The following DAZAP1 variants were observed in gnomAD, a reference collection of about 807,000 sequenced individuals.
DAZAP1 encodes the protein DAZ associated protein 1, also known as DAZ-associated protein 1.
In DAZAP1, 6 loss-of-function variants were observed where a neutral mutation model predicts 60.1. The observed-to-expected ratio is 0.10, with a 90% CI of 0.05 to 0.20. The LOEUF is 0.20. Ranked by LOEUF, DAZAP1 falls within the 10% of genes least tolerant of loss-of-function variation. DAZAP1 has a pLI of 1.00. For missense variants in DAZAP1, 366 were observed against 560.4 expected (o/e 0.65, Z 3.50); for synonymous variants, 235 against 215.9 (o/e 1.09, Z -0.78).
In DAZAP1 at chr19:1,426,088, G is replaced by T. The variant is rs575231515; in HGVS notation, c.546+128G>T. 1.1e-5 allele frequency: 8 copies of T among 738,648 alleles called. No individual in the cohort carries two copies. The highest frequency in any genetic ancestry group is 5.5e-5 in the Admixed American group (3 of 54,806). The allele number at this position is 738,648 out of a possible 1,614,324, so 45.8% of individuals were successfully genotyped here. ...AGTTCGTCCTGTGAACCTTTGCTGC[G>T]TGAGGTGGGCCTGGGTCTGTAGACG... On this transcript the variant is annotated intron_variant, in intron 7 of 11. Coordinates refer to ENST00000233078, the MANE Select transcript of DAZAP1 (RefSeq NM_018959.4). The surrounding 1 kb of genome is among the most constrained non-coding windows in gnomAD (Gnocchi z 5.4).
chr19:1,431,351 G>C (rs757407923), intron 10 of DAZAP1, among the ~76,000 whole-genome samples: 1 of 151,006 alleles, frequency 6.6e-6, no homozygotes, highest in African/African-American at 2.4e-5. Flanking sequence ...GGATGGTCTC[G>C]ATCTCCTGAC....
At position 1,430,254 on chromosome 19, in the gene DAZAP1, G is replaced by GCCC; in HGVS notation, c.768_770dup (p.Pro261dup). 3 of 1,295,268 alleles carry GCCC rather than the reference G, an allele frequency of 2.3e-6. No homozygotes were observed. The allele number at this position is 1,295,268 out of a possible 1,614,324, so 80.2% of individuals were successfully genotyped here. On this transcript the variant is annotated inframe_insertion, in exon 10 of 12. Coordinates refer to ENST00000233078, the MANE Select transcript of DAZAP1 (RefSeq NM_018959.4). ...TGGACCGCCCCCTGCAGGAAGAGGA[G>GCCC]CCCCCCCGCCACCCCCACCGTTCAC... is the stretch of plus-strand genomic sequence containing the variant.
chr19:1,433,899 G>A lies in DAZAP1; in HGVS notation c.1049-838G>A, dbSNP rs1188770510. On this transcript the variant is annotated intron_variant, in intron 11 of 11. Coordinates refer to ENST00000233078, the MANE Select transcript of DAZAP1 (RefSeq NM_018959.4). This position sits in a 1 kb window ranked among gnomAD's most constrained non-coding sequence, Gnocchi z 6.1. ...GGAGGTGGACGTGGCTTCCTCTGCC[G>A]TCCCGGGCGGGGGTGGACGCTGGCG... is the stretch of plus-strand genomic sequence containing the variant. 13 of 1,406,302 alleles carry A rather than the reference G, an allele frequency of 9.2e-6. No individual in the cohort carries two copies. Among genetic ancestry groups the A allele is most frequent in the Middle Eastern group, 1.8e-4 (1 of 5,698 alleles). The allele number at this position is 1,406,302 out of a possible 1,614,324, so 87.1% of individuals were successfully genotyped here. A position where few individuals can be genotyped will look rare whatever the true frequency, so the allele number is the denominator to read the frequency against.
intron 7 of DAZAP1, chr19:1,427,615 C>T (rs770304396): frequency 5.3e-5 from 8 of 152,200 alleles, no homozygotes; most frequent in South Asian, 2.1e-4. Context: ...GTACAAGGAC[C>T]GCTCTGCTTT....
intron 1 of DAZAP1, 35 bp downstream of exon 1, chr19:1,407,837 C>T: frequency 9.4e-7 from 1 of 1,062,138 alleles, no homozygotes; most frequent in South Asian, 4.4e-5. Flanking sequence ...CGTCTCCGCC[C>T]CGAGCCCGGC....
chr19:1,421,570 G>A (rs1389462669), intron 5 of DAZAP1, among the ~76,000 whole-genome samples: 3 of 152,260 alleles, frequency 2.0e-5, no homozygotes, highest in Admixed American at 1.3e-4. Context: ...ACACAGAAAC[G>A]GGGTTCAGTG....
At chr19:1,424,681 G>A (rs764851475) in intron 6 of DAZAP1, among the ~76,000 whole-genome samples, 8 of 151,964 alleles carry the variant, frequency 5.3e-5, no homozygotes, top group Admixed American at 1.3e-4. Flanking sequence ...CCTCACGCCC[G>A]TGCTGCGCTG....
intron 1 of DAZAP1, 42 bp downstream of exon 1, chr19:1,407,844 C>T: frequency 9.4e-7 from 1 of 1,058,478 alleles, no homozygotes; most frequent in South Asian, 4.4e-5. Context: ...GCCCCGAGCC[C>T]GGCCCGCCGC....
chr19:1,433,422 C>T lies in DAZAP1; in HGVS notation c.1048+732C>T. ...GGGTTTGAGAACATGGGGCACCTGT[C>T]TGCAGGTGGCCACGGGCTTCCGGGG... is the stretch of plus-strand genomic sequence containing the variant. On this transcript the variant is annotated intron_variant, in intron 11 of 11. Coordinates refer to ENST00000233078, the MANE Select transcript of DAZAP1 (RefSeq NM_018959.4). The surrounding 1 kb of genome is among the most constrained non-coding windows in gnomAD (Gnocchi z 6.1). 2.6e-6 allele frequency: 1 copy of T among 390,618 alleles called. No homozygotes were observed. Among genetic ancestry groups the T allele is most frequent in the South Asian group, 2.8e-5 (1 of 35,928 alleles). 24.2% of individuals were successfully genotyped at this position (390,618 alleles called of 1,614,324 possible). A position where few individuals can be genotyped will look rare whatever the true frequency, so the allele number is the denominator to read the frequency against.
intron 6 of DAZAP1, among the ~76,000 whole-genome samples, chr19:1,424,378 TG>T (rs1416971705): frequency 2.8e-5 from 3 of 107,276 alleles, no homozygotes; most frequent in Non-Finnish European, 5.5e-5. Flanking sequence ...CCCCTCCGTC[TG>T]GTTGCAGACA....
In DAZAP1 at chr19:1,418,842, T is replaced by C. The variant is rs1035377233; in HGVS notation, c.303+111T>C. On this transcript the variant is annotated intron_variant, in intron 4 of 11. Transcript: ENST00000233078. This position sits in a 1 kb window ranked among gnomAD's most constrained non-coding sequence, Gnocchi z 5.7. ...TCGTTAAGATTGAGGGCGACGCAGGTCTTCTGGGTTGGCACTCGAGCAGCT... is the reference window on the plus strand; with the variant it reads ...TCGTTAAGATTGAGGGCGACGCAGGCCTTCTGGGTTGGCACTCGAGCAGCT... The C allele has an allele frequency of 1.6e-5, 19 of 1,154,710 alleles. No individual in the cohort carries two copies. Among genetic ancestry groups the C allele is most frequent in the Non-Finnish European group, 2.3e-5 (19 of 813,424 alleles). 71.5% of individuals were successfully genotyped at this position (1,154,710 alleles called of 1,614,324 possible).
chr19:1,420,553 C>T (rs998130167), intron 4 of DAZAP1, among the ~76,000 whole-genome samples: 17 of 151,892 alleles, frequency 1.1e-4, no homozygotes, highest in Non-Finnish European at 1.9e-4. Flanking sequence ...AAGGGCAGCC[C>T]GGGAGCTGGA....
Position 1,430,254 on chromosome 19 carries a change from G to GGGC in DAZAP1, c.763_764insGGC (p.Ala255delinsGlyPro). On this transcript the variant is annotated protein_altering_variant, in exon 10 of 12. Transcript: ENST00000233078. ...TGGACCGCCCCCTGCAGGAAGAGGA[G>GGGC]CCCCCCCGCCACCCCCACCGTTCAC... 2.6e-4 allele frequency: 336 copies of GGGC among 1,294,020 alleles called. No individual in the cohort carries two copies. The highest frequency in any genetic ancestry group is 3.3e-4 in the Non-Finnish European group (304 of 922,932). The allele number at this position is 1,294,020 out of a possible 1,614,324, so 80.2% of individuals were successfully genotyped here. A position where few individuals can be genotyped will look rare whatever the true frequency, so the allele number is the denominator to read the frequency against.
Position 1,433,677 on chromosome 19 carries a change from G to A in DAZAP1, c.1048+987G>A. On this transcript the variant is annotated intron_variant, in intron 11 of 11. Transcript: ENST00000233078. This position sits in a 1 kb window ranked among gnomAD's most constrained non-coding sequence, Gnocchi z 6.1. ...GGCGCCCGGTTGGGGCGTGGCGTGT[G>A]TCAGCCGCTGCTCTTGGTGGCGGCT... 1 of 1,411,492 alleles carries A rather than the reference G, an allele frequency of 7.1e-7. No individual in the cohort carries two copies. Among genetic ancestry groups the A allele is most frequent in the Non-Finnish European group, 1.0e-6 (1 of 999,846 alleles). 87.4% of individuals were successfully genotyped at this position (1,411,492 alleles called of 1,614,324 possible). A position where few individuals can be genotyped will look rare whatever the true frequency, so the allele number is the denominator to read the frequency against.
chr19:1,409,391 C>T (rs2082759558), intron 1 of DAZAP1, among the ~76,000 whole-genome samples: 1 of 152,182 alleles, frequency 6.6e-6, no homozygotes, highest in Admixed American at 6.5e-5. Context: ...GGGCTCCTGT[C>T]CCCTCCCTGC....
At chr19:1,409,392 C>G (rs879730756) in intron 1 of DAZAP1, among the ~76,000 whole-genome samples, 10 of 152,180 alleles carry the variant, frequency 6.6e-5, no homozygotes, top group Admixed American at 3.9e-4. Context: ...GGCTCCTGTC[C>G]CCTCCCTGCA....
intron 1 of DAZAP1, among the ~76,000 whole-genome samples, chr19:1,412,546 C>T (rs1233095339): frequency 6.6e-6 from 1 of 152,192 alleles, no homozygotes; most frequent in African/African-American, 2.4e-5. Flanking sequence ...CTGCCAACTG[C>T]CCCCATTGAG....
rs1019658432 is a variant in DAZAP1, at chr19:1,435,100, C to T, written c.*188C>T. The T allele has an allele frequency of 2.5e-6, 1 of 395,022 alleles. No homozygotes were observed. The allele number at this position is 395,022 out of a possible 1,614,324, so 24.5% of individuals were successfully genotyped here. A position where few individuals can be genotyped will look rare whatever the true frequency, so the allele number is the denominator to read the frequency against. On this transcript the variant is annotated 3_prime_UTR_variant, in exon 12 of 12. Transcript: ENST00000233078. ...GGTTTTTAAATATTTCTTTCTCTAA[C>T]CCATCAGCACAATAAAAAAAAGTCA... is the stretch of plus-strand genomic sequence containing the variant.
rs1320875732 is a variant in DAZAP1 at position 1,425,550 on chromosome 19, C to G, written c.464-328C>G. Among the ~76,000 whole-genome samples, 2 of 152,250 alleles carry G rather than the reference C, an allele frequency of 1.3e-5. No individual in the cohort carries two copies. The highest frequency in any genetic ancestry group is 2.9e-5 in the Non-Finnish European group (2 of 68,040). Reference sequence around the variant, plus strand: ...ATGGAGGCCCTCACCGTTCCCCTGTCTCCGCTGCTGTTTTATAAGATGTGC... The same window carrying G: ...ATGGAGGCCCTCACCGTTCCCCTGTGTCCGCTGCTGTTTTATAAGATGTGC... On this transcript the variant is annotated intron_variant, in intron 6 of 11. Coordinates refer to ENST00000233078, the MANE Select transcript of DAZAP1 (RefSeq NM_018959.4). The surrounding 1 kb of genome is among the most constrained non-coding windows in gnomAD (Gnocchi z 5.4).
Sources: gnomAD v4.1 joint callset for allele counts (sites outside exome capture counted in the v4.1 genomes callset) on GRCh38, gnomAD v4.1.1 for gene constraint, Gnocchi (gnomAD v3.1) non-coding constraint, MANE v1.5 for transcripts, NCBI Gene and HGNC (gene_info 2026-07-23, HGNC 2026-07-21) for gene names.